Variants in KIF1B observed in about 807,000 individuals in gnomAD.
KIF1B encodes kinesin family member 1B.
KIF1B carries 76 observed loss-of-function variants against 241.9 expected under a neutral mutation model. That is an observed-to-expected ratio of 0.31 (90% CI 0.26 to 0.38). The LOEUF (loss-of-function observed/expected upper bound fraction) is 0.38, where lower values mean the gene tolerates loss of function less well. Ranked by LOEUF, KIF1B falls within the 10% of genes least tolerant of loss-of-function variation. KIF1B has a pLI of 1.00. For synonymous variants in KIF1B, 750 were observed against 796.7 expected (o/e 0.94, Z 0.99); for missense variants, 1,622 against 2,271.4 (o/e 0.71, Z 5.81).
chr1:10,250,897 T>G (rs546569487), intron 2 of KIF1B, among the ~76,000 whole-genome samples: 1 of 152,120 alleles, frequency 6.6e-6, no homozygotes, highest in Admixed American at 6.5e-5. Flanking sequence ...GTGCAGTGGC[T>G]CACACGTGTA....
chr1:10,341,962 A>G lies in KIF1B; in HGVS notation c.3514-88A>G. 3.1e-6 allele frequency: 3 copies of G among 958,052 alleles called. No individual in the cohort carries two copies. In the South Asian group the frequency reaches 4.2e-5, roughly 13 times the overall value. 59.3% of individuals were successfully genotyped at this position (958,052 alleles called of 1,614,324 possible). A position where few individuals can be genotyped will look rare whatever the true frequency, so the allele number is the denominator to read the frequency against. On this transcript the variant is annotated intron_variant, in intron 32 of 48. Transcript: ENST00000676179. Reference sequence around the variant, plus strand: ...GCAAGACCTTGCCTCAAAAAAAAAAAAAAAAACCCAAAATACGTACTAAAG... The same window carrying G: ...GCAAGACCTTGCCTCAAAAAAAAAAGAAAAAACCCAAAATACGTACTAAAG...
chr1:10,270,254 A>G (rs1162924824), intron 7 of KIF1B, among the ~76,000 whole-genome samples: 2 of 152,144 alleles, frequency 1.3e-5, no homozygotes, highest in African/African-American at 2.4e-5. Context: ...TTCTGTGGCA[A>G]TTCCCGGGCA....
At chr1:10,214,834 G>C (rs1057336828) in intron 1 of KIF1B, among the ~76,000 whole-genome samples, 8 of 152,036 alleles carry the variant, frequency 5.3e-5, no homozygotes, top group East Asian at 3.9e-4. Context: ...ACCCACCTCA[G>C]CCTCCCAAAG....
intron 2 of KIF1B, among the ~76,000 whole-genome samples, chr1:10,252,524 A>G (rs1647518273): frequency 6.7e-6 from 1 of 150,102 alleles, no homozygotes; most frequent in Non-Finnish European, 1.5e-5. Flanking sequence ...TGATCTTCCT[A>G]CCTAAGCCCC....
In KIF1B at chr1:10,258,831, A is replaced by G. The variant is rs532729772; in HGVS notation, c.363+159A>G. ...TTATTTTCCCTCAGAGGAGCTCACAATTGAATGGGAAGGATTGACATGTAC... is the reference window on the plus strand; with the variant it reads ...TTATTTTCCCTCAGAGGAGCTCACAGTTGAATGGGAAGGATTGACATGTAC... On this transcript the variant is annotated intron_variant, in intron 4 of 48. Transcript: ENST00000676179. Among the ~76,000 whole-genome samples the G allele has an allele frequency of 7.2e-5, 11 of 152,322 alleles. 2 individuals are homozygous for G. The highest frequency in any genetic ancestry group is 1.7e-4 in the African/African-American group (7 of 41,570).
chr1:10,247,684 A>G (rs1647246295), intron 2 of KIF1B, among the ~76,000 whole-genome samples: 2 of 152,270 alleles, frequency 1.3e-5, no homozygotes, highest in Non-Finnish European at 2.9e-5. Context: ...AAAATTAAAA[A>G]TTAAGGCTTA....
chr1:10,336,321 G>A (rs1191441682), intron 28 of KIF1B, among the ~76,000 whole-genome samples: 1 of 152,096 alleles, frequency 6.6e-6, no homozygotes, highest in Admixed American at 6.6e-5. Context: ...GCTAATTTTT[G>A]TATTTTTAGT....
intron 1 of KIF1B, among the ~76,000 whole-genome samples, chr1:10,228,807 G>A (rs1646942578): frequency 6.6e-6 from 1 of 152,080 alleles, no homozygotes; most frequent in Non-Finnish European, 1.5e-5. Flanking sequence ...AGGAAGGGAG[G>A]GATAGAATAA....
In KIF1B at chr1:10,360,918, T is replaced by A. The variant is rs950473181; in HGVS notation, c.4056-11T>A. 16 of 1,585,360 alleles carry A rather than the reference T, an allele frequency of 1.0e-5. No individual in the cohort carries two copies. Among genetic ancestry groups the A allele is most frequent in the Non-Finnish European group, 1.4e-5 (16 of 1,154,062 alleles). On this transcript the variant is annotated splice_polypyrimidine_tract_variant and intron_variant, in intron 38 of 48. Coordinates refer to ENST00000676179, the MANE Select transcript of KIF1B (RefSeq NM_001365951.3). ...CTTTTGGATGATTCCCTCTTGTCTT[T>A]CTGACCTTAGGACCTTCTACCGCTT...
chr1:10,241,276 A>G (rs1647133510), intron 2 of KIF1B, among the ~76,000 whole-genome samples: 2 of 151,242 alleles, frequency 1.3e-5, no homozygotes. Context: ...GCTAATTTTT[A>G]ATTTTTTTGG....
At chr1:10,304,220 C>CT (rs1557701643) in intron 22 of KIF1B, 1 of 1,614,112 alleles carries the variant, frequency 6.2e-7, no homozygotes. Context: ...GGTAAAGGAG[C>CT]TTTTAAGGAT....
At chr1:10,295,187 G>A in intron 18 of KIF1B, 22 bp downstream of exon 18, 1 of 1,408,756 alleles carries the variant, frequency 7.1e-7, no homozygotes, top group Non-Finnish European at 1.0e-6. Context: ...TCCTGTTTTG[G>A]TCACTTCGTG....
chr1:10,375,088 C>T (rs1215373461), intron 47 of KIF1B, 42 bp downstream of exon 47: 2 of 1,597,632 alleles, frequency 1.3e-6, no homozygotes, highest in East Asian at 4.5e-5. Context: ...CCACGTGTGC[C>T]CTTCTCTTTT....
chr1:10,314,595 T>G (rs1651221880), intron 22 of KIF1B, among the ~76,000 whole-genome samples: 1 of 151,298 alleles, frequency 6.6e-6, no homozygotes, highest in South Asian at 2.1e-4. Flanking sequence ...AATTTTTGTG[T>G]TTTTAGCAGA....
chr1:10,305,745 G>C, intron 22 of KIF1B: 1 of 1,056,580 alleles, frequency 9.5e-7, no homozygotes, highest in African/African-American at 1.6e-5. Flanking sequence ...ATTTTATTTG[G>C]TTGTGGTCTC....
chr1:10,266,848 C>T (rs1183707413), intron 5 of KIF1B, among the ~76,000 whole-genome samples: 1 of 152,120 alleles, frequency 6.6e-6, no homozygotes, highest in Non-Finnish European at 1.5e-5. Context: ...CTGGTTCTAA[C>T]CTATTCAGTG....
rs61775888 is a variant in KIF1B at position 10,225,734 on chromosome 1, G to T, written c.-79-6516G>T. Among the ~76,000 whole-genome samples, 1,309 of 152,270 alleles carry T rather than the reference G, an allele frequency of 8.6e-3. 14 individuals carry two copies. Among genetic ancestry groups the T allele is most frequent in the African/African-American group, 0.029 (1,221 of 41,556 alleles). Reference sequence around the variant, plus strand: ...GGATGCATTCTGGAAGTCCTCTGGTGGGTGGTTGTAAAAGAATGTGGCTGG... The same window carrying T: ...GGATGCATTCTGGAAGTCCTCTGGTTGGTGGTTGTAAAAGAATGTGGCTGG... On this transcript the variant is annotated intron_variant, in intron 1 of 48. Coordinates refer to ENST00000676179, the MANE Select transcript of KIF1B (RefSeq NM_001365951.3).
chr1:10,325,532 T>A (rs1391468754), intron 26 of KIF1B, among the ~76,000 whole-genome samples: 2 of 152,256 alleles, frequency 1.3e-5, no homozygotes, highest in African/African-American at 4.8e-5. Context: ...GTGATGTTTT[T>A]TAAAGAGGCT....
rs972247663 is a variant in KIF1B at position 10,240,547 on chromosome 1, C to T, written c.106+8113C>T. Among the ~76,000 whole-genome samples the T allele has an allele frequency of 5.9e-5, 9 of 152,068 alleles. No individual in the cohort carries two copies. In the East Asian group the frequency reaches 7.7e-4, roughly 13 times the overall value. On this transcript the variant is annotated intron_variant, in intron 2 of 48. Transcript: ENST00000676179. ...TTCCATAGTGATCTAGAAGTGCCATCGTAAATAGCACTCAGAGTGCAGAAA... is the reference window on the plus strand; with the variant it reads ...TTCCATAGTGATCTAGAAGTGCCATTGTAAATAGCACTCAGAGTGCAGAAA...
Sources: allele counts gnomAD v4.1 joint callset (sites outside exome capture counted in the v4.1 genomes callset), GRCh38; gene constraint gnomAD v4.1.1; transcripts MANE v1.5; gene names NCBI Gene and HGNC (gene_info 2026-07-23, HGNC 2026-07-21).